Variants in AHCTF1 observed in about 807,000 individuals in gnomAD.
AHCTF1 encodes the protein protein ELYS.
A neutral mutation model predicts 248.4 loss-of-function variants in AHCTF1; 24 were observed. The observed-to-expected ratio is 0.10, with a 90% CI of 0.07 to 0.14. The LOEUF is 0.14. Among genes scored for constraint, AHCTF1 ranks in the 10% least tolerant of loss-of-function variants. AHCTF1 has a pLI of 1.00. For synonymous variants in AHCTF1, 786 were observed against 929.8 expected (o/e 0.85, Z 2.81); for missense variants, 2,206 against 2,636.2 (o/e 0.84, Z 3.57).
chr1:246,869,825 A>G (rs989232629), intron 24 of AHCTF1, among the ~76,000 whole-genome samples: 2 of 152,364 alleles, frequency 1.3e-5, no homozygotes. Context: ...TGAAAACACA[A>G]CATCCATTCT....
At chr1:246,912,200 G>A (rs145112684) in intron 4 of AHCTF1, among the ~76,000 whole-genome samples, 130 of 152,092 alleles carry the variant, frequency 8.5e-4, no homozygotes, top group African/African-American at 2.9e-3. Context: ...AGAATGTGCC[G>A]GGTGTGGTGG....
chr1:246,898,267 G>A lies in AHCTF1; in HGVS notation c.1564C>T (p.Leu522Phe), dbSNP rs1258343515. The change falls in exon 12 of 36, where the codon CTT (leucine) becomes TTT (phenylalanine). Residue 522 changes from leucine (L) to phenylalanine (F), a missense_variant. Coordinates refer to ENST00000648844, the MANE Select transcript of AHCTF1 (RefSeq NM_001323342.2). Reference protein sequence around the residue: ...ELIPDGYNRCLVAGLLSPRFV... With the variant: ...ELIPDGYNRCFVAGLLSPRFV... ...CTTGGGGAAAGAAGGCCAGCTACAA[G>A]ACATCGATTATAACCATCAGGAATG... is the stretch of plus-strand genomic sequence containing the variant. 7.4e-6 allele frequency: 12 copies of A among 1,612,548 alleles called. No homozygotes were observed. The highest frequency in any genetic ancestry group is 1.0e-5 in the Non-Finnish European group (12 of 1,180,000).
Position 246,851,024 on chromosome 1 carries a change from G to C in AHCTF1, c.4982C>G (p.Pro1661Arg), listed in dbSNP as rs1558212041. ...SQKVDTLPYV[P>R]EPIKVAIAEN... ...TGCAATTGCTACTTTAATAGGTTCA[G>C]GCACATATGGTAAAGTGTCTACTTT... The change falls in exon 33 of 36, where the codon CCT (proline) becomes CGT (arginine). Residue 1661 changes from proline (P) to arginine (R), a missense_variant. This residue lies in a region of AHCTF1 where 955 missense variants were observed against 1,055.6 expected (regional missense o/e 0.90). Transcript: ENST00000648844. The C allele has an allele frequency of 6.2e-7, 1 of 1,613,896 alleles. No individual in the cohort carries two copies. Among genetic ancestry groups the C allele is most frequent in the East Asian group, 2.2e-5 (1 of 44,880 alleles).
intron 14 of AHCTF1, among the ~76,000 whole-genome samples, chr1:246,893,741 A>AATCC (rs758826780): frequency 6.6e-6 from 1 of 152,250 alleles, no homozygotes; most frequent in Non-Finnish European, 1.5e-5. Flanking sequence ...AAGTGAGTTA[A>AATCC]GTACAGAAAC....
At chr1:246,866,370 A>G (rs543619435) in intron 26 of AHCTF1, among the ~76,000 whole-genome samples, 4 of 152,326 alleles carry the variant, frequency 2.6e-5, no homozygotes, top group African/African-American at 9.6e-5. Flanking sequence ...GTCGGTAATA[A>G]CGACTTTCAT....
rs1175734588 is a variant in AHCTF1, at chr1:246,900,598, C to T, written c.1118-129G>A. 2.0e-5 allele frequency: 20 copies of T among 1,002,324 alleles called. No individual in the cohort carries two copies. The African/African-American group carries it at 2.2e-4, about 11-fold the overall frequency. 62.1% of individuals were successfully genotyped at this position (1,002,324 alleles called of 1,614,324 possible). A position where few individuals can be genotyped will look rare whatever the true frequency, so the allele number is the denominator to read the frequency against. ...TCATATTTCACTTGATTCATCAAAA[C>T]GCATTTCTATCATTTGTATGTAAGA... is the stretch of plus-strand genomic sequence containing the variant. On this transcript the variant is annotated intron_variant, in intron 8 of 35. Transcript: ENST00000648844.
chr1:246,905,894 G>C (rs1665352866), intron 5 of AHCTF1, among the ~76,000 whole-genome samples: 1 of 152,178 alleles, frequency 6.6e-6, no homozygotes, highest in Non-Finnish European at 1.5e-5. Context: ...ATGCAGTCAA[G>C]CGGATGCATT....
intron 35 of AHCTF1, among the ~76,000 whole-genome samples, chr1:246,841,643 TA>T (rs1235618493): frequency 1.3e-5 from 2 of 152,206 alleles, no homozygotes; most frequent in Non-Finnish European, 2.9e-5. Flanking sequence ...TTAAAGTGTA[TA>T]ATTGTTTTTT....
rs139015537 is a variant in AHCTF1, at chr1:246,864,846, CAAAAAAAAAAAAAAAAAAAAAAA to C, written c.3348-753_3348-731del. Among the ~76,000 whole-genome samples, 14 of 2,260 alleles carry C rather than the reference CAAAAAAAAAAAAAAAAAAAAAAA, an allele frequency of 6.2e-3. 2 individuals carry two copies. In the East Asian group the frequency reaches 0.1, roughly 17 times the overall value. 1.5% of individuals were successfully genotyped at this position (2,260 alleles called of 152,430 possible). On this transcript the variant is annotated intron_variant, in intron 26 of 35. Coordinates refer to ENST00000648844, the MANE Select transcript of AHCTF1 (RefSeq NM_001323342.2). The stretch of plus-strand genomic sequence containing the variant: ...TGGGCGACAGAGCGAGACTCCGTCT[CAAAAAAAAAAAAAAAAAAAAAAA>C]AAAAAAAAAAAAAAAAAAAAGACTA...
intron 21 of AHCTF1, among the ~76,000 whole-genome samples, chr1:246,881,542 T>C (rs551730148): frequency 6.6e-6 from 1 of 152,056 alleles, no homozygotes; most frequent in Non-Finnish European, 1.5e-5. Flanking sequence ...TTTTTTTAAA[T>C]AGAAGCAGGG....
rs146653142 is a variant in AHCTF1, at chr1:246,929,789, C to T, written c.-8+1789G>A. Among the ~76,000 whole-genome samples the T allele has an allele frequency of 2.8e-3, 421 of 152,324 alleles. 2 individuals are homozygous for T. Among genetic ancestry groups the T allele is most frequent in the African/African-American group, 9.5e-3 (394 of 41,572 alleles). On this transcript the variant is annotated intron_variant, in intron 1 of 35. Coordinates refer to ENST00000648844, the MANE Select transcript of AHCTF1 (RefSeq NM_001323342.2). ...TCTGTACCAGCCGGGCGCGGTGGCTCACGCCTGTAATCCCAGCACTCTGGG... is the reference window on the plus strand; with the variant it reads ...TCTGTACCAGCCGGGCGCGGTGGCTTACGCCTGTAATCCCAGCACTCTGGG...
rs574690239 is a variant in AHCTF1, at chr1:246,918,533, C to T, written c.-7-156G>A. ...CATATTGGCCAGATGCGGAGGCTCA[C>T]GCCTTTAAGTCCCAGCTACTTGGGA... On this transcript the variant is annotated intron_variant, in intron 1 of 35. Transcript: ENST00000648844. Among the ~76,000 whole-genome samples, 249 of 152,376 alleles carry T rather than the reference C, an allele frequency of 1.6e-3. 1 individual carries two copies. Among genetic ancestry groups the T allele is most frequent in the African/African-American group, 5.9e-3 (244 of 41,592 alleles).
Position 246,899,526 on chromosome 1 carries a change from T to A in AHCTF1, c.1433-14A>T, listed in dbSNP as rs368558758. ...AACAAGTGGCATCTAAAAAAAAGAT[T>A]TAAAAAATAATCCACTTACATATAT... On this transcript the variant is annotated splice_polypyrimidine_tract_variant and intron_variant, in intron 10 of 35. Coordinates refer to ENST00000648844, the MANE Select transcript of AHCTF1 (RefSeq NM_001323342.2). 6.2e-7 allele frequency: 1 copy of A among 1,601,126 alleles called. No homozygotes were observed. Among genetic ancestry groups the A allele is most frequent in the South Asian group, 1.1e-5 (1 of 89,274 alleles).
At position 246,886,595 on chromosome 1, in the gene AHCTF1, T is replaced by C. The variant is rs1164275721; in HGVS notation, c.2472+616A>G. 3.3e-5 allele frequency among the ~76,000 whole-genome samples: 5 copies of C among 152,274 alleles called. 1 individual carries two copies. Among genetic ancestry groups the C allele is most frequent in the African/African-American group, 4.8e-5 (2 of 41,556 alleles). ...ACATGTTCAGTACAGACCCAATTTT[T>C]TCCCCTGAATATTTCTGATCTACAG... On this transcript the variant is annotated intron_variant, in intron 20 of 35. Transcript: ENST00000648844.
At position 246,892,021 on chromosome 1, in the gene AHCTF1, T is replaced by C. The variant is rs181218878; in HGVS notation, c.1805-102A>G. 7.5e-5 allele frequency: 93 copies of C among 1,235,260 alleles called. No homozygotes were observed. In the African/African-American group the frequency reaches 1.4e-3, roughly 18 times the overall value. The allele number at this position is 1,235,260 out of a possible 1,614,324, so 76.5% of individuals were successfully genotyped here. On this transcript the variant is annotated intron_variant, in intron 14 of 35. Transcript: ENST00000648844. ...AAACTCCTATCACTCAAAAGAATTA[T>C]TCTATTCATTATGAGATTTATAAAG...
At chr1:246,899,044 G>A (rs987769454) in intron 11 of AHCTF1, among the ~76,000 whole-genome samples, 1 of 152,162 alleles carries the variant, frequency 6.6e-6, no homozygotes, top group African/African-American at 2.4e-5. Flanking sequence ...AGCCGAGATG[G>A]TGTCACTGCA....
Position 246,900,183 on chromosome 1 carries a change from A to G in AHCTF1, c.1314T>C (p.Ser438=). ...FALWSLESVV[S]RTSPHGILDI... is the part of the protein sequence containing the mutation. Reference sequence around the variant, plus strand: ...CCAAGATGCCATGTGGAGAAGTCCTACTTACAACAGACTCCAATGACCACA... The same window carrying G: ...CCAAGATGCCATGTGGAGAAGTCCTGCTTACAACAGACTCCAATGACCACA... Residue 438 remains serine, a synonymous_variant, in exon 10 of 36, where the codon AGT becomes AGC. Coordinates refer to ENST00000648844, the MANE Select transcript of AHCTF1 (RefSeq NM_001323342.2). 3 of 1,609,454 alleles carry G rather than the reference A, an allele frequency of 1.9e-6. No homozygotes were observed. The highest frequency in any genetic ancestry group is 2.5e-6 in the Non-Finnish European group (3 of 1,178,722).
At chr1:246,876,473 C>T (rs1442007296) in intron 23 of AHCTF1, among the ~76,000 whole-genome samples, 1 of 152,202 alleles carries the variant, frequency 6.6e-6, no homozygotes, top group Non-Finnish European at 1.5e-5. Flanking sequence ...TCACACACAT[C>T]TCTGTGCATC....
rs561219934 is a variant in AHCTF1, at chr1:246,861,216, C to T, written c.3815G>A (p.Ser1272Asn). 9.3e-6 allele frequency: 15 copies of T among 1,613,472 alleles called. No individual in the cohort carries two copies. The East Asian group carries it at 2.7e-4, about 29-fold the overall frequency. Residue 1272 changes from serine to asparagine, a missense_variant, in exon 29 of 36, where the codon AGC becomes AAC. Physicochemically the swap from Ser to Asn is conservative, Grantham distance 46 (BLOSUM62 1). Around this residue, in one of 6 missense-constraint regions of AHCTF1, gnomAD observed 955 missense variants for 1,055.6 expected, o/e 0.90. Coordinates refer to ENST00000648844, the MANE Select transcript of AHCTF1 (RefSeq NM_001323342.2). Reference sequence around the variant, plus strand: ...GAAAAAAGATGTGGTCCTATCTTTGCTCTTCAGCCATTCAGTTTCCACTGG... The same window carrying T: ...GAAAAAAGATGTGGTCCTATCTTTGTTCTTCAGCCATTCAGTTTCCACTGG... ...AVPVETEWLK[S>N]KDRTTSFFLN...
Sources: allele counts gnomAD v4.1 joint callset (sites outside exome capture counted in the v4.1 genomes callset), GRCh38; gene constraint gnomAD v4.1.1; regional missense constraint gnomAD v4.1.1; transcripts MANE v1.5; gene names NCBI Gene and HGNC (gene_info 2026-07-23, HGNC 2026-07-21).